The following APCDD1L variants were observed in gnomAD, a reference collection of about 807,000 sequenced individuals.
APCDD1L encodes the protein APC down-regulated 1 like.
Under a neutral mutation model 24.2 loss-of-function variants are expected in APCDD1L, and 21 were observed. The ratio of observed to expected loss-of-function variants is 0.87; its 90% CI spans 0.61 to 1.25. The LOEUF is 1.25. Ranked by LOEUF, APCDD1L falls within the 50% of genes most tolerant of loss-of-function variation. The probability of loss-of-function intolerance (pLI) is 0.00; values close to 1 mark genes in which losing one functional copy is unlikely to be tolerated. For synonymous variants in APCDD1L, 321 were observed against 323.6 expected, an observed-to-expected ratio of 0.99 and a Z score of 0.09; for missense variants, 704 against 711.7, an observed-to-expected ratio of 0.99 and a Z score of 0.12.
intron 3 of APCDD1L, among the ~76,000 whole-genome samples, chr20:58,464,856 CT>C (rs11415092): frequency 1.9e-4 from 28 of 146,514 alleles, no homozygotes; most frequent in Admixed American, 3.4e-4. Context: ...TTCTTTCTTT[CT>C]TTTTTTTTTT....
chr20:58,495,226 G>A (rs759258022), intron 1 of APCDD1L, among the ~76,000 whole-genome samples: 8 of 152,340 alleles, frequency 5.3e-5, no homozygotes, highest in Middle Eastern at 3.4e-3. Context: ...CAGTGGCCTC[G>A]TTTGAGGGCC....
At chr20:58,513,784 G>A in intron 1 of APCDD1L, 1 of 800,562 alleles carries the variant, frequency 1.2e-6, no homozygotes. Flanking sequence ...AGGAAAGAAA[G>A]TCAAGGCTGA....
intron 1 of APCDD1L, among the ~76,000 whole-genome samples, chr20:58,481,545 G>A (rs1348783070): frequency 6.6e-6 from 1 of 152,200 alleles, no homozygotes; most frequent in East Asian, 1.9e-4. Context: ...AGGGATGGAG[G>A]ATGGTGGTTT....
chr20:58,472,619 T>G (rs1339502181), intron 1 of APCDD1L, among the ~76,000 whole-genome samples: 3 of 152,180 alleles, frequency 2.0e-5, no homozygotes, highest in Non-Finnish European at 4.4e-5. Context: ...GTAATCTTGG[T>G]TCATCCTGCA....
intron 3 of APCDD1L, among the ~76,000 whole-genome samples, chr20:58,464,864 T>C (rs1372500755): frequency 6.6e-6 from 1 of 151,744 alleles, no homozygotes; most frequent in Admixed American, 6.6e-5. Context: ...TTCTTTTTTT[T>C]TTTTTCTCCC....
In APCDD1L at chr20:58,514,962, A is replaced by C. The variant is rs531784798; in HGVS notation, c.-255T>G. The C allele has an allele frequency of 5.7e-6, 2 of 351,646 alleles. No homozygotes were observed. The highest frequency in any genetic ancestry group is 9.5e-5 in the Admixed American group (2 of 20,982). The allele number at this position is 351,646 out of a possible 1,614,324, so 21.8% of individuals were successfully genotyped here. On this transcript the variant is annotated 5_prime_UTR_variant, in exon 1 of 4. Transcript: ENST00000371149. ...GGAGACAGCCCCCGGCGAGGCGCGC[A>C]CACCCGCGCAGCGCGCACAGCCCCC...
chr20:58,461,353 AATACCCTTCCC>A lies in APCDD1L; in HGVS notation c.932_942del (p.Trp311LeufsTer40), dbSNP rs1312482678. 3 of 1,586,322 alleles carry A rather than the reference AATACCCTTCCC, an allele frequency of 1.9e-6. No individual in the cohort carries two copies. The highest frequency in any genetic ancestry group is 2.6e-6 in the Non-Finnish European group (3 of 1,161,706). The stretch of plus-strand genomic sequence containing the variant: ...CAGGCTGGGTCTGAGAAGTGGTGGT[AATACCCTTCCC>A]AGGAGCGGCTGTGCCCGTGGAAAGT... On this transcript the variant is annotated frameshift_variant, in exon 4 of 4. Coordinates refer to ENST00000371149, the MANE Select transcript of APCDD1L (RefSeq NM_153360.3). LOFTEE classifies it low-confidence loss of function (END_TRUNC). This position sits in a 1 kb window ranked among gnomAD's most constrained non-coding sequence, Gnocchi z 6.0.
At chr20:58,498,928 C>T (rs1040753842) in intron 1 of APCDD1L, among the ~76,000 whole-genome samples, 2 of 152,222 alleles carry the variant, frequency 1.3e-5, no homozygotes, top group African/African-American at 4.8e-5. Flanking sequence ...ATCTCCATCC[C>T]ACGTCTGTGG....
intron 1 of APCDD1L, among the ~76,000 whole-genome samples, chr20:58,476,177 C>T (rs1406172355): frequency 6.6e-6 from 1 of 152,096 alleles, no homozygotes; most frequent in African/African-American, 2.4e-5. Context: ...CTCCCCAACA[C>T]AAACACTTAT....
At chr20:58,514,128 G>T in intron 1 of APCDD1L, 1 of 374,694 alleles carries the variant, frequency 2.7e-6, no homozygotes, top group Admixed American at 4.3e-5. Flanking sequence ...AAGCCCCTTG[G>T]TCCCCTTTGT....
At chr20:58,506,232 G>A (rs1990526148) in intron 1 of APCDD1L, among the ~76,000 whole-genome samples, 1 of 152,098 alleles carries the variant, frequency 6.6e-6, no homozygotes, top group Non-Finnish European at 1.5e-5. Context: ...AGGAATTTGG[G>A]CTTCTCACCT....
intron 1 of APCDD1L, among the ~76,000 whole-genome samples, chr20:58,478,973 G>A (rs924035442): frequency 4.6e-5 from 7 of 152,022 alleles, no homozygotes; most frequent in East Asian, 1.9e-4. Context: ...CCTAAGAAGC[G>A]AATGCCAGGT....
intron 1 of APCDD1L, among the ~76,000 whole-genome samples, chr20:58,486,609 C>T (rs1990121859): frequency 6.6e-6 from 1 of 152,028 alleles, no homozygotes; most frequent in Non-Finnish European, 1.5e-5. Context: ...CTACTGGAAG[C>T]ACAGTGAATA....
rs916247571 is a variant in APCDD1L at position 58,467,226 on chromosome 20, C to T, written c.621G>A (p.Pro207=). ...SLVRVQRRLQ[P]QPRASPRLVE... Reference sequence around the variant, plus strand: ...CCAGCCGGGGCGACGCCCGGGGCTGCGGCTGCAGGCGGCGCTGCACGCGGA... The same window carrying T: ...CCAGCCGGGGCGACGCCCGGGGCTGTGGCTGCAGGCGGCGCTGCACGCGGA... The change falls in exon 3 of 4, where the codon CCG becomes CCA. Residue 207 remains proline (P), a synonymous_variant. Coordinates refer to ENST00000371149, the MANE Select transcript of APCDD1L (RefSeq NM_153360.3). This position sits in a 1 kb window ranked among gnomAD's most constrained non-coding sequence, Gnocchi z 5.9. 1.9e-6 allele frequency: 3 copies of T among 1,596,240 alleles called. No homozygotes were observed. Among genetic ancestry groups the T allele is most frequent in the South Asian group, 1.1e-5 (1 of 90,122 alleles).
intron 3 of APCDD1L, among the ~76,000 whole-genome samples, chr20:58,465,424 G>T (rs931569920): frequency 6.6e-6 from 1 of 152,162 alleles, no homozygotes; most frequent in African/African-American, 2.4e-5. Context: ...GTACTACCAG[G>T]GGTTAGAAGT....
rs896475341 is a variant in APCDD1L, at chr20:58,497,228, C to T, written c.49+17431G>A. 6.6e-6 allele frequency among the ~76,000 whole-genome samples: 1 copy of T among 151,598 alleles called. No homozygotes were observed. Among genetic ancestry groups the T allele is most frequent in the Non-Finnish European group, 1.5e-5 (1 of 67,844 alleles). ...TGAGGGGGCATGCAGCGGGTGGAGGCTGAGGGGCAGATGCGGGTTTCAGGG... is the reference window on the plus strand; with the variant it reads ...TGAGGGGGCATGCAGCGGGTGGAGGTTGAGGGGCAGATGCGGGTTTCAGGG... On this transcript the variant is annotated intron_variant, in intron 1 of 3. Transcript: ENST00000371149. This position sits in a 1 kb window ranked among gnomAD's most constrained non-coding sequence, Gnocchi z 4.3.
At chr20:58,492,663 A>G (rs1462684404) in intron 1 of APCDD1L, among the ~76,000 whole-genome samples, 1 of 152,266 alleles carries the variant, frequency 6.6e-6, no homozygotes, top group Non-Finnish European at 1.5e-5. Flanking sequence ...GTTTACAAAC[A>G]TTTTCTGTGA....
chr20:58,514,914 A>C lies in APCDD1L; in HGVS notation c.-207T>G, dbSNP rs1178571468. On this transcript the variant is annotated 5_prime_UTR_variant, in exon 1 of 4. Coordinates refer to ENST00000371149, the MANE Select transcript of APCDD1L (RefSeq NM_153360.3). The stretch of plus-strand genomic sequence containing the variant: ...GTTGTAAGCGGAGCTGCGCACTCAT[A>C]GGTCCAACTTGCCAGAAGAGGTGGA... 9.1e-6 allele frequency: 3 copies of C among 330,724 alleles called. No homozygotes were observed. Among genetic ancestry groups the C allele is most frequent in the Non-Finnish European group, 1.5e-5 (3 of 196,632 alleles). The allele number at this position is 330,724 out of a possible 1,614,324, so 20.5% of individuals were successfully genotyped here.
intron 1 of APCDD1L, among the ~76,000 whole-genome samples, chr20:58,480,779 A>T (rs1012478949): frequency 2.6e-5 from 4 of 152,190 alleles, no homozygotes; most frequent in African/African-American, 9.7e-5. Flanking sequence ...AACTGTGCAC[A>T]TGAAAACTCT....
Sources: allele counts gnomAD v4.1 joint callset (sites outside exome capture counted in the v4.1 genomes callset), GRCh38; gene constraint gnomAD v4.1.1; non-coding constraint Gnocchi (gnomAD v3.1); transcripts MANE v1.5; gene names NCBI Gene and HGNC (gene_info 2026-07-23, HGNC 2026-07-21).